PLEKHA7: variants seen among roughly 807,000 people sequenced by gnomAD.
The protein encoded by PLEKHA7 is pleckstrin homology domain-containing family A member 7.
Under a neutral mutation model 170.0 loss-of-function variants are expected in PLEKHA7, and 104 were observed. The observed-to-expected ratio is 0.61, with a 90% CI of 0.52 to 0.72. The LOEUF is 0.72. Ranked by LOEUF, PLEKHA7 falls within the 30% of genes least tolerant of loss-of-function variation. The pLI is 0.00. For synonymous variants in PLEKHA7, 648 were observed against 660.8 expected (o/e 0.98, Z 0.30); for missense variants, 1,615 against 1,671.7 (o/e 0.97, Z 0.59).
intron 3 of PLEKHA7, among the ~76,000 whole-genome samples, chr11:17,012,694 A>G (rs1229202529): frequency 6.6e-6 from 1 of 152,208 alleles, no homozygotes; most frequent in East Asian, 1.9e-4. Flanking sequence ...CCCAATGCCT[A>G]GAACAACGTG....
intron 15 of PLEKHA7, among the ~76,000 whole-genome samples, chr11:16,802,355 C>A (rs1848651315): frequency 6.6e-6 from 1 of 152,176 alleles, no homozygotes; most frequent in African/African-American, 2.4e-5. Flanking sequence ...GTAATGACTA[C>A]AGCCACTTCC....
chr11:16,850,848 G>C (rs778428517), intron 8 of PLEKHA7, among the ~76,000 whole-genome samples: 47 of 152,148 alleles, frequency 3.1e-4, no homozygotes, highest in South Asian at 6.2e-4. Context: ...CCACTATGAG[G>C]GGTCACCAGT....
intron 3 of PLEKHA7, among the ~76,000 whole-genome samples, chr11:16,895,239 G>A (rs1856926973): frequency 6.6e-6 from 1 of 152,134 alleles, no homozygotes. Context: ...CCTCATTTGT[G>A]TCTAGAAGTC....
At chr11:16,878,033 T>TCC (rs1349086581) in intron 3 of PLEKHA7, among the ~76,000 whole-genome samples, 1 of 152,156 alleles carries the variant, frequency 6.6e-6, no homozygotes, top group African/African-American at 2.4e-5. Flanking sequence ...GAGCCTCCCT[T>TCC]CCCCGCAAAC....
At chr11:16,992,084 A>G (rs895252987) in intron 3 of PLEKHA7, among the ~76,000 whole-genome samples, 1 of 148,254 alleles carries the variant, frequency 6.7e-6, no homozygotes, top group Non-Finnish European at 1.5e-5. Flanking sequence ...GACCCCCCCC[A>G]GCCTGGGCAT....
intron 3 of PLEKHA7, among the ~76,000 whole-genome samples, chr11:16,951,075 TCAGA>T (rs752408316): frequency 1.4e-4 from 22 of 152,236 alleles, no homozygotes; most frequent in Admixed American, 5.9e-4. Context: ...TTGCTACGTG[TCAGA>T]CAGAATTTAT....
Position 16,947,897 on chromosome 11 carries a change from T to C in PLEKHA7, c.221+66092A>G, listed in dbSNP as rs575614780. Among the ~76,000 whole-genome samples, 28 of 120,464 alleles carry C rather than the reference T, an allele frequency of 2.3e-4. 1 individual carries two copies. The South Asian group carries it at 6.7e-3, about 29-fold the overall frequency. 79.0% of individuals were successfully genotyped at this position (120,464 alleles called of 152,430 possible). On this transcript the variant is annotated intron_variant, in intron 3 of 26. Transcript: ENST00000531066. ...TGCCACTACACTCCAGCTTGGGCTA[T>C]AGAGTAAGACTCCGTCTCAAAAAAA...
chr11:17,010,580 T>G (rs911434003), intron 3 of PLEKHA7, among the ~76,000 whole-genome samples: 1 of 152,146 alleles, frequency 6.6e-6, no homozygotes, highest in Non-Finnish European at 1.5e-5. Context: ...CACTCCAGAC[T>G]AGGAGACAGA....
chr11:16,948,851 C>T (rs764512437), intron 3 of PLEKHA7, among the ~76,000 whole-genome samples: 1 of 152,230 alleles, frequency 6.6e-6, no homozygotes, highest in African/African-American at 2.4e-5. Context: ...CCCACTTTCC[C>T]GCTTCCAGGG....
chr11:16,963,183 G>T (rs1338607954), intron 3 of PLEKHA7, among the ~76,000 whole-genome samples: 1 of 152,224 alleles, frequency 6.6e-6, no homozygotes, highest in Non-Finnish European at 1.5e-5. Flanking sequence ...GACAGGGATG[G>T]TGACATTAGA....
chr11:16,889,496 G>A lies in PLEKHA7; in HGVS notation c.222-18314C>T, dbSNP rs1383309457. ...ACACACCTGTAGTCCCAGCTGCTTG[G>A]GAGGCTGAGGTGGAAGGATCACCTG... On this transcript the variant is annotated intron_variant, in intron 3 of 26. Transcript: ENST00000531066. 1.8e-4 allele frequency among the ~76,000 whole-genome samples: 27 copies of A among 147,634 alleles called. No homozygotes were observed. The South Asian group carries it at 2.4e-3, about 13-fold the overall frequency.
chr11:16,938,842 A>G (rs575085290), intron 3 of PLEKHA7, among the ~76,000 whole-genome samples: 1 of 152,344 alleles, frequency 6.6e-6, no homozygotes, highest in Non-Finnish European at 1.5e-5. Flanking sequence ...GGAAAATGAA[A>G]TTTTTGTAAA....
chr11:16,981,745 G>A (rs1386378909), intron 3 of PLEKHA7, among the ~76,000 whole-genome samples: 3 of 152,158 alleles, frequency 2.0e-5, no homozygotes, highest in Non-Finnish European at 4.4e-5. Context: ...ATTCCAGGGT[G>A]GAGAATGTCC....
At chr11:16,783,437 G>A (rs931135395) in intron 25 of PLEKHA7, among the ~76,000 whole-genome samples, 1 of 152,226 alleles carries the variant, frequency 6.6e-6, no homozygotes, top group East Asian at 1.9e-4. Flanking sequence ...ACTTGCTAGG[G>A]TCACTTGGGA....
intron 3 of PLEKHA7, among the ~76,000 whole-genome samples, chr11:16,893,146 T>C (rs1347348335): frequency 6.6e-6 from 1 of 152,186 alleles, no homozygotes; most frequent in Non-Finnish European, 1.5e-5. Context: ...ATGTCAACAC[T>C]ACAAGGTATT....
At chr11:16,907,282 C>T (rs1857858391) in intron 3 of PLEKHA7, among the ~76,000 whole-genome samples, 1 of 145,036 alleles carries the variant, frequency 6.9e-6, no homozygotes, top group African/African-American at 2.6e-5. Context: ...CCCCGCCCGG[C>T]CAGCCGCCCC....
chr11:16,820,879 G>T (rs1444089631), intron 10 of PLEKHA7, among the ~76,000 whole-genome samples: 1 of 152,172 alleles, frequency 6.6e-6, no homozygotes, highest in Non-Finnish European at 1.5e-5. Context: ...GGTGAGCCCT[G>T]GCTCTAGGGG....
chr11:17,004,280 T>C lies in PLEKHA7; in HGVS notation c.221+9709A>G, dbSNP rs535710606. Reference sequence around the variant, plus strand: ...CTTCATTCTGTTCTGCCATTAGACCTATGGCTGAAATGTCTGAGAAGCCTG... The same window carrying C: ...CTTCATTCTGTTCTGCCATTAGACCCATGGCTGAAATGTCTGAGAAGCCTG... On this transcript the variant is annotated intron_variant, in intron 3 of 26. Transcript: ENST00000531066. 2.0e-5 allele frequency among the ~76,000 whole-genome samples: 3 copies of C among 152,304 alleles called. No individual in the cohort carries two copies. The East Asian group carries it at 5.8e-4, about 29-fold the overall frequency.
chr11:16,836,295 T>C (rs1851506916), intron 9 of PLEKHA7, among the ~76,000 whole-genome samples: 2 of 152,236 alleles, frequency 1.3e-5, no homozygotes, highest in Admixed American at 6.5e-5. Flanking sequence ...CTTCTAGTGA[T>C]ACTGTCTGAG....
Sources: allele counts gnomAD v4.1 joint callset (sites outside exome capture counted in the v4.1 genomes callset), GRCh38; gene constraint gnomAD v4.1.1; transcripts MANE v1.5; gene names NCBI Gene and HGNC (gene_info 2026-07-23, HGNC 2026-07-21).